ADAMTS13: variants seen among roughly 807,000 people sequenced by gnomAD.
ADAMTS13 encodes the protein A disintegrin and metalloproteinase with thrombospondin motifs 13.
In ADAMTS13, 110 loss-of-function variants were observed where a neutral mutation model predicts 155.1. The observed-to-expected ratio is 0.71, with a 90% confidence interval of 0.61 to 0.83. ADAMTS13 has a LOEUF of 0.83. ADAMTS13 is among the 40% of genes least tolerant of loss of function. ADAMTS13 has a pLI of 0.00. For synonymous variants in ADAMTS13, 758 were observed against 756.4 expected (o/e 1.00, Z -0.03); for missense variants, 1,707 against 1,891.7 (o/e 0.90, Z 1.81).
chr9:133,456,959 C>A lies in ADAMTS13; in HGVS notation c.3724+240C>A, dbSNP rs1554796274. The stretch of plus-strand genomic sequence containing the variant: ...TGCAGCAAGATGGACGGATGTGGGA[C>A]ATGGTCCACATCCTCAGTCAGTCCC... On this transcript the variant is annotated intron_variant, in intron 27 of 28. Coordinates refer to ENST00000355699, the MANE Select transcript of ADAMTS13 (RefSeq NM_139027.6). This position sits in a 1 kb window ranked among gnomAD's most constrained non-coding sequence, Gnocchi z 4.4. 1.5e-6 allele frequency: 1 copy of A among 653,396 alleles called. No homozygotes were observed. Among genetic ancestry groups the A allele is most frequent in the Non-Finnish European group, 2.8e-6 (1 of 356,636 alleles). The allele number at this position is 653,396 out of a possible 1,614,324, so 40.5% of individuals were successfully genotyped here.
chr9:133,436,648 A>G (rs1841242082), intron 11 of ADAMTS13, among the ~76,000 whole-genome samples, 181 bp from the exon 12 acceptor site: 1 of 151,992 alleles, frequency 6.6e-6, no homozygotes, highest in Admixed American at 6.6e-5. Flanking sequence ...TTTTCCCATC[A>G]ATAGAGAGAG....
chr9:133,428,749 C>A lies in ADAMTS13; in HGVS notation c.802C>A (p.Arg268=). 7.4e-7 allele frequency: 1 copy of A among 1,357,114 alleles called. No individual in the cohort carries two copies. The highest frequency in any genetic ancestry group is 9.5e-7 in the Non-Finnish European group (1 of 1,051,498). The allele number at this position is 1,357,114 out of a possible 1,614,324, so 84.1% of individuals were successfully genotyped here. The change falls in exon 7 of 29, where the codon CGG becomes AGG. Residue 268 remains arginine (R), a synonymous_variant. Coordinates refer to ENST00000355699, the MANE Select transcript of ADAMTS13 (RefSeq NM_139027.6). ...AGLAWSPCSR[R]QLLSLLSAGR... ...CCTCGCCTGGTCCCCCTGCAGCCGCCGGCAGCTGCTGAGCCTGCTCAGGTA... is the reference window on the plus strand; with the variant it reads ...CCTCGCCTGGTCCCCCTGCAGCCGCAGGCAGCTGCTGAGCCTGCTCAGGTA...
At chr9:133,429,167 A>ACC (rs1457548395) in intron 7 of ADAMTS13, among the ~76,000 whole-genome samples, 19 of 4,042 alleles carry the variant, frequency 4.7e-3, no homozygotes, top group Admixed American at 5.4e-3. Context: ...CAACCCCTGC[A>ACC]CCCACCCCCC....
At chr9:133,451,349 C>G (rs932396541) in intron 23 of ADAMTS13, among the ~76,000 whole-genome samples, 7 of 152,224 alleles carry the variant, frequency 4.6e-5, no homozygotes, top group Non-Finnish European at 8.8e-5. Context: ...CCTCCGCCTC[C>G]CGGGTTCAAG....
Position 133,446,982 on chromosome 9 carries a change from C to T in ADAMTS13, c.2731+1163C>T, listed in dbSNP as rs587641106. Among the ~76,000 whole-genome samples the T allele has an allele frequency of 4.6e-5, 7 of 152,254 alleles. No homozygotes were observed. The South Asian group carries it at 8.3e-4, about 18-fold the overall frequency. On this transcript the variant is annotated intron_variant, in intron 21 of 28. Transcript: ENST00000355699. ...AAGTGATTCTCGTGCTTCAGCCTCC[C>T]GAGTAGCTAGGACTATAGGCGTCTG...
At chr9:133,432,516 G>C (rs942537114) in intron 8 of ADAMTS13, 72 bp from the exon 9 acceptor site, 3 of 1,331,910 alleles carry the variant, frequency 2.3e-6, no homozygotes, top group Non-Finnish European at 3.1e-6. Context: ...GGGAGGGACA[G>C]TTAAGGTTGG....
chr9:133,428,800 C>A, intron 7 of ADAMTS13, 29 bp downstream of exon 7: 2 of 1,275,426 alleles, frequency 1.6e-6, no homozygotes, highest in Non-Finnish European at 9.9e-7. Flanking sequence ...GAGGGGCGCG[C>A]GAGCCTCCAG....
At position 133,445,759 on chromosome 9, in the gene ADAMTS13, G is replaced by A. The variant is rs1554792371; in HGVS notation, c.2671G>A (p.Ala891Thr). The change falls in exon 21 of 29, where the codon GCT (alanine) becomes ACT (threonine). Residue 891 changes from alanine to threonine, a missense_variant. Coordinates refer to ENST00000355699, the MANE Select transcript of ADAMTS13 (RefSeq NM_139027.6). The surrounding 1 kb of genome is among the most constrained non-coding windows in gnomAD (Gnocchi z 5.0). Reference sequence around the variant, plus strand: ...CCCATGGGGCAGCATCAGGACGGGGGCTCAAGCTGCACACGTGTGGACCCC... The same window carrying A: ...CCCATGGGGCAGCATCAGGACGGGGACTCAAGCTGCACACGTGTGGACCCC... Reference protein sequence around the residue: ...PSPWGSIRTGAQAAHVWTPAA... With the variant: ...PSPWGSIRTGTQAAHVWTPAA... 6.2e-7 allele frequency: 1 copy of A among 1,609,986 alleles called. No homozygotes were observed. Among genetic ancestry groups the A allele is most frequent in the East Asian group, 2.2e-5 (1 of 44,780 alleles).
intron 9 of ADAMTS13, 110 bp from the exon 10 acceptor site, chr9:133,433,268 C>A: frequency 6.8e-7 from 1 of 1,479,574 alleles, no homozygotes; most frequent in Non-Finnish European, 9.3e-7. Flanking sequence ...GGGTGGGGTC[C>A]CTGTGTGTGT....
At chr9:133,422,573 G>A (rs782127586) in intron 1 of ADAMTS13, 25 bp downstream of exon 1, 2 of 1,612,096 alleles carry the variant, frequency 1.2e-6, no homozygotes, top group Non-Finnish European at 1.7e-6. Context: ...AGGAGCGGGG[G>A]TATTCTGGGA....
At chr9:133,450,565 CAAAAAA>C (rs924514326) in intron 23 of ADAMTS13, among the ~76,000 whole-genome samples, 1 of 74,824 alleles carries the variant, frequency 1.3e-5, no homozygotes. Flanking sequence ...AACTCCATCT[CAAAAAA>C]AAAAAAAAAA....
chr9:133,445,281 G>C lies in ADAMTS13; in HGVS notation c.2610+229G>C, dbSNP rs1564432482. ...GCAAGCCGGGCTGAGGGAAGCATCTGAGGAGAGTGTAATGCAGCTGCTGTG... is the reference window on the plus strand; with the variant it reads ...GCAAGCCGGGCTGAGGGAAGCATCTCAGGAGAGTGTAATGCAGCTGCTGTG... On this transcript the variant is annotated intron_variant, in intron 20 of 28. Transcript: ENST00000355699. The surrounding 1 kb of genome is among the most constrained non-coding windows in gnomAD (Gnocchi z 5.0). Among the ~76,000 whole-genome samples the C allele has an allele frequency of 6.6e-6, 1 of 152,228 alleles. No individual in the cohort carries two copies. Among genetic ancestry groups the C allele is most frequent in the Admixed American group, 6.5e-5 (1 of 15,288 alleles).
chr9:133,447,254 G>A (rs1049682649), intron 21 of ADAMTS13, among the ~76,000 whole-genome samples: 8 of 152,046 alleles, frequency 5.3e-5, no homozygotes, highest in East Asian at 1.9e-4. Flanking sequence ...TAAAATGTCA[G>A]CCTGTTTAAA....
chr9:133,443,683 AG>A (rs1554791664), intron 19 of ADAMTS13, 122 bp downstream of exon 19: 1 of 1,117,406 alleles, frequency 8.9e-7, no homozygotes, highest in African/African-American at 1.6e-5. Context: ...CTCACCATCC[AG>A]GGTGATGGGC....
chr9:133,425,131 C>G lies in ADAMTS13; in HGVS notation c.331-398C>G, dbSNP rs781990401. Among the ~76,000 whole-genome samples the G allele has an allele frequency of 3.6e-4, 55 of 152,212 alleles. No individual in the cohort carries two copies. Among genetic ancestry groups the G allele is most frequent in the Admixed American group, 9.8e-4 (15 of 15,276 alleles). On this transcript the variant is annotated intron_variant, in intron 3 of 28. Transcript: ENST00000355699. The surrounding 1 kb of genome is among the most constrained non-coding windows in gnomAD (Gnocchi z 4.6). ...CCCGAAGTCAGGAGTTCAAGACCAG[C>G]CTGGCCAACATGGTGAAACCCCGTA... is the stretch of plus-strand genomic sequence containing the variant.
In ADAMTS13 at chr9:133,455,240, C is replaced by T. The variant is rs781820666; in HGVS notation, c.3250-45C>T. 9.4e-6 allele frequency: 15 copies of T among 1,592,040 alleles called. No individual in the cohort carries two copies. The Admixed American group carries it at 2.5e-4, about 27-fold the overall frequency. On this transcript the variant is annotated intron_variant, in intron 24 of 28. Coordinates refer to ENST00000355699, the MANE Select transcript of ADAMTS13 (RefSeq NM_139027.6). ...CTGTGGTTACCACTGTCCTTGTCAC[C>T]TTCTGGCAGGGTCAGCTGTGACTCC...
rs1207448170 is a variant in ADAMTS13, at chr9:133,441,528, G to A, written c.1969-871G>A. Among the ~76,000 whole-genome samples the A allele has an allele frequency of 6.6e-6, 1 of 152,226 alleles. No individual in the cohort carries two copies. The highest frequency in any genetic ancestry group is 1.5e-5 in the Non-Finnish European group (1 of 68,034). On this transcript the variant is annotated intron_variant, in intron 16 of 28. Coordinates refer to ENST00000355699, the MANE Select transcript of ADAMTS13 (RefSeq NM_139027.6). This position sits in a 1 kb window ranked among gnomAD's most constrained non-coding sequence, Gnocchi z 5.0. ...GCACCGTAACCAACACAGGCTTGCG[G>A]CACTGGCCAGATGTGGGCATCGAGG...
intron 1 of ADAMTS13, among the ~76,000 whole-genome samples, chr9:133,416,551 A>G (rs1007799410): frequency 6.6e-6 from 1 of 152,106 alleles, no homozygotes; most frequent in Non-Finnish European, 1.5e-5. Context: ...GCAGTGAGCT[A>G]TGATCCTAAC....
In ADAMTS13 at chr9:133,449,912, G is replaced by C; in HGVS notation, c.2991G>C (p.Gly997=). ...EEILLDTQCQ[G]LPRPEPQEAC... ...TCCTGTTGGACACCCAGTGCCAGGG[G>C]CTGCCTCGCCCGGAACCCCAGGAGG... The change falls in exon 23 of 29, where the codon GGG becomes GGC. Residue 997 remains glycine (G), a synonymous_variant. Coordinates refer to ENST00000355699, the MANE Select transcript of ADAMTS13 (RefSeq NM_139027.6). 6 of 1,613,016 alleles carry C rather than the reference G, an allele frequency of 3.7e-6. No individual in the cohort carries two copies. The highest frequency in any genetic ancestry group is 5.1e-6 in the Non-Finnish European group (6 of 1,179,868).
Sources: gnomAD v4.1 joint callset for allele counts (sites outside exome capture counted in the v4.1 genomes callset) on GRCh38, gnomAD v4.1.1 for gene constraint, Gnocchi (gnomAD v3.1) non-coding constraint, MANE v1.5 for transcripts, NCBI Gene and HGNC (gene_info 2026-07-23, HGNC 2026-07-21) for gene names.